The following PAPPA2 variants were observed in gnomAD, a reference collection of about 807,000 sequenced individuals.
PAPPA2 encodes pappalysin 2.
Under a neutral mutation model 176.4 loss-of-function variants are expected in PAPPA2, and 86 were observed. The observed-to-expected ratio is 0.49, with a 90% CI of 0.41 to 0.58. The LOEUF is 0.58. Ranked by LOEUF, PAPPA2 falls within the 20% of genes least tolerant of loss-of-function variation. PAPPA2 has a pLI of 0.00. For missense variants in PAPPA2, 2,073 were observed against 2,256.9 expected (o/e 0.92, Z 1.65); for synonymous variants, 809 against 852.2 (o/e 0.95, Z 0.88).
chr1:176,485,554 G>A (rs925875304), intron 1 of PAPPA2, among the ~76,000 whole-genome samples: 4 of 152,006 alleles, frequency 2.6e-5, no homozygotes, highest in Non-Finnish European at 4.4e-5. Context: ...ATTGTTCACC[G>A]ACTTTATTTT....
chr1:176,611,649 A>G (rs1224823625), intron 3 of PAPPA2, among the ~76,000 whole-genome samples: 1 of 152,214 alleles, frequency 6.6e-6, no homozygotes, highest in Non-Finnish European at 1.5e-5. Flanking sequence ...AAGGATATGT[A>G]ATGGAGATGT....
At chr1:176,839,605 A>G (rs989194462) in intron 21 of PAPPA2, among the ~76,000 whole-genome samples, 2 of 152,076 alleles carry the variant, frequency 1.3e-5, no homozygotes, top group African/African-American at 4.8e-5. Flanking sequence ...CCCAAGGACT[A>G]CTCAGGTCTC....
chr1:176,832,666 T>C (rs1368768255), intron 21 of PAPPA2, among the ~76,000 whole-genome samples: 3 of 152,210 alleles, frequency 2.0e-5, no homozygotes, highest in Non-Finnish European at 1.5e-5. Flanking sequence ...TTCTGTGCTT[T>C]TAATCACCAT....
chr1:176,664,931 C>T (rs999478180), intron 3 of PAPPA2, among the ~76,000 whole-genome samples: 3 of 152,058 alleles, frequency 2.0e-5, no homozygotes, highest in Non-Finnish European at 4.4e-5. Context: ...CAATATTCAC[C>T]ACTATGTCTC....
intron 4 of PAPPA2, among the ~76,000 whole-genome samples, chr1:176,675,616 T>C (rs1003605991): frequency 1.3e-5 from 2 of 152,112 alleles, no homozygotes; most frequent in Non-Finnish European, 2.9e-5. Context: ...TGTGAAAATA[T>C]AGAAGAGATC....
At chr1:176,643,465 T>G (rs1369031073) in intron 3 of PAPPA2, among the ~76,000 whole-genome samples, 1 of 151,692 alleles carries the variant, frequency 6.6e-6, no homozygotes, top group Non-Finnish European at 1.5e-5. Flanking sequence ...CCATTCTTTG[T>G]TCACAGGCCA....
chr1:176,535,228 A>T (rs1650007349), intron 1 of PAPPA2, among the ~76,000 whole-genome samples: 1 of 152,150 alleles, frequency 6.6e-6, no homozygotes, highest in East Asian at 1.9e-4. Context: ...TAGAATGTGG[A>T]TGTGATAGCT....
In PAPPA2 at chr1:176,637,481, A is replaced by G. The variant is rs146774459; in HGVS notation, c.1992-33489A>G. ...AGGTCTCTCATCTATAACAATGCAC[A>G]TAACAACATGTTTCACATGCTCCTT... On this transcript the variant is annotated intron_variant, in intron 3 of 22. Transcript: ENST00000367662. Among the ~76,000 whole-genome samples the G allele has an allele frequency of 3.0e-3, 460 of 152,296 alleles. 4 individuals carry two copies. Among genetic ancestry groups the G allele is most frequent in the African/African-American group, 0.011 (447 of 41,584 alleles).
At chr1:176,511,090 AAAG>A (rs1486607082) in intron 1 of PAPPA2, among the ~76,000 whole-genome samples, 3 of 152,198 alleles carry the variant, frequency 2.0e-5, no homozygotes, top group Admixed American at 6.5e-5. Context: ...GGATTAAAAA[AAAG>A]AAATAATCAT....
chr1:176,494,735 T>A (rs1259023879), intron 1 of PAPPA2, among the ~76,000 whole-genome samples: 1 of 152,190 alleles, frequency 6.6e-6, no homozygotes, highest in Admixed American at 6.5e-5. Flanking sequence ...TCACTCTCTC[T>A]GCACACACTG....
chr1:176,645,252 A>C (rs1009725707), intron 3 of PAPPA2, among the ~76,000 whole-genome samples: 1 of 151,586 alleles, frequency 6.6e-6, no homozygotes, highest in African/African-American at 2.4e-5. Flanking sequence ...CCTCCCTTCT[A>C]TCATTCCTGG....
Position 176,699,517 on chromosome 1 carries a change from T to C in PAPPA2, c.3164T>C (p.Val1055Ala). Residue 1055 changes from valine (V) to alanine (A), a missense_variant, in exon 8 of 23, where the codon GTT becomes GCT. Around this residue, in one of 4 missense-constraint regions of PAPPA2, gnomAD observed 846 missense variants for 857.9 expected, o/e 0.99. Coordinates refer to ENST00000367662, the MANE Select transcript of PAPPA2 (RefSeq NM_020318.3). ...GGCTGCAGGCCTGTGAGGTACCAGG[T>C]TCTCCGCGATCCCCCATTTGCCAGT... Reference protein sequence around the residue: ...CSGCRPVRYQVLRDPPFASGL... With the variant: ...CSGCRPVRYQALRDPPFASGL... 2 of 1,613,744 alleles carry C rather than the reference T, an allele frequency of 1.2e-6. No homozygotes were observed. The highest frequency in any genetic ancestry group is 1.7e-6 in the Non-Finnish European group (2 of 1,179,712).
intron 14 of PAPPA2, among the ~76,000 whole-genome samples, chr1:176,741,649 A>C (rs1409696194): frequency 6.6e-6 from 1 of 152,150 alleles, no homozygotes; most frequent in Non-Finnish European, 1.5e-5. Context: ...CAGTAATAGT[A>C]GTTTATGTTA....
At chr1:176,665,588 A>G (rs12118102) in intron 3 of PAPPA2, among the ~76,000 whole-genome samples, 6,182 of 152,128 alleles carry the variant, frequency 0.041, 153 homozygotes, top group Non-Finnish European at 0.056. Flanking sequence ...GGATTTACAA[A>G]TTTTTTTTAT....
chr1:176,497,029 A>G (rs6425388), intron 1 of PAPPA2, among the ~76,000 whole-genome samples: 12,069 of 152,202 alleles, frequency 0.079, 593 homozygotes, highest in South Asian at 0.16. Flanking sequence ...ATCTATTACA[A>G]TCCTATCCCA....
At chr1:176,637,071 T>C (rs1656737859) in intron 3 of PAPPA2, among the ~76,000 whole-genome samples, 1 of 151,978 alleles carries the variant, frequency 6.6e-6, no homozygotes, top group Admixed American at 6.6e-5. Context: ...CAATAAGACT[T>C]GGTAAGGGGA....
At chr1:176,465,340 C>T (rs928719463) in intron 1 of PAPPA2, among the ~76,000 whole-genome samples, 2 of 152,184 alleles carry the variant, frequency 1.3e-5, no homozygotes, top group African/African-American at 4.8e-5. Context: ...AAGACTGCAA[C>T]AACTTATACT....
intron 3 of PAPPA2, among the ~76,000 whole-genome samples, chr1:176,642,494 A>G (rs1558492096): frequency 6.6e-6 from 1 of 151,800 alleles, no homozygotes; most frequent in Non-Finnish European, 1.5e-5. Context: ...TAATGCATCA[A>G]CCTGACAGTG....
At chr1:176,722,221 C>T (rs1395713841) in intron 12 of PAPPA2, among the ~76,000 whole-genome samples, 2 of 151,886 alleles carry the variant, frequency 1.3e-5, no homozygotes, top group Middle Eastern at 3.2e-3. Flanking sequence ...TTTAAAACAT[C>T]GTATTTATTT....
Sources: gnomAD v4.1 joint callset for allele counts (sites outside exome capture counted in the v4.1 genomes callset) on GRCh38, gnomAD v4.1.1 for gene constraint, gnomAD v4.1.1 regional missense constraint, MANE v1.5 for transcripts, NCBI Gene and HGNC (gene_info 2026-07-23, HGNC 2026-07-21) for gene names.